SYT1: variants seen among roughly 807,000 people sequenced by gnomAD.
SYT1 encodes the protein synaptotagmin-1.
Under a neutral mutation model 44.8 loss-of-function variants are expected in SYT1, and 8 were observed. The observed-to-expected ratio is 0.18, with a 90% confidence interval of 0.10 to 0.32. The LOEUF (loss-of-function observed/expected upper bound fraction) is 0.32, where lower values mean the gene tolerates loss of function less well. Among genes scored for constraint, SYT1 ranks in the 10% least tolerant of loss-of-function variants. The pLI is 1.00. For missense variants in SYT1, 286 were observed against 509.3 expected (o/e 0.56, Z 4.22); for synonymous variants, 154 against 188.8 (o/e 0.82, Z 1.51).
intron 8 of SYT1, among the ~76,000 whole-genome samples, chr12:79,336,469 A>G (rs75637188): frequency 0.049 from 7,482 of 151,764 alleles, 395 homozygotes; most frequent in African/African-American, 0.13. Context: ...TATTTTTCCT[A>G]CGGCTTTGCC....
intron 4 of SYT1, among the ~76,000 whole-genome samples, chr12:79,281,748 C>G (rs1036007499): frequency 2.6e-5 from 4 of 152,178 alleles, no homozygotes; most frequent in African/African-American, 9.7e-5. Context: ...CTATATACAG[C>G]ATATATTACA....
intron 4 of SYT1, among the ~76,000 whole-genome samples, chr12:79,219,898 A>G (rs184537656): frequency 6.6e-6 from 1 of 152,048 alleles, no homozygotes; most frequent in Admixed American, 6.5e-5. Context: ...TGTAATTGGT[A>G]TTTTGTAGTG....
chr12:79,124,938 G>A (rs56335319), intron 3 of SYT1, among the ~76,000 whole-genome samples: 17,367 of 152,074 alleles, frequency 0.11, 1,068 homozygotes, highest in African/African-American at 0.13. Flanking sequence ...AGGAAACCAG[G>A]AAAGAAAGGA....
intron 9 of SYT1, among the ~76,000 whole-genome samples, chr12:79,404,524 G>T (rs1282207720): frequency 2.0e-5 from 3 of 152,138 alleles, no homozygotes; most frequent in Non-Finnish European, 4.4e-5. Flanking sequence ...TGGATGGTCA[G>T]ATCTGTGAAC....
At chr12:79,121,214 T>G (rs1879585087) in intron 3 of SYT1, among the ~76,000 whole-genome samples, 1 of 151,970 alleles carries the variant, frequency 6.6e-6, no homozygotes, top group Admixed American at 6.6e-5. Context: ...CATTGCCCAC[T>G]TACACACTGC....
chr12:78,978,191 A>G (rs889797184), intron 2 of SYT1, among the ~76,000 whole-genome samples: 2 of 152,190 alleles, frequency 1.3e-5, no homozygotes, highest in Admixed American at 6.5e-5. Context: ...CTTGTATAAC[A>G]TGTTTGCTTT....
chr12:78,963,499 G>A (rs1406528164), intron 1 of SYT1, among the ~76,000 whole-genome samples: 4 of 151,946 alleles, frequency 2.6e-5, no homozygotes, highest in Non-Finnish European at 4.4e-5. Context: ...TTTAAAAATG[G>A]CCTAAATACC....
chr12:79,412,398 C>T (rs966595537), intron 9 of SYT1, among the ~76,000 whole-genome samples: 2 of 152,162 alleles, frequency 1.3e-5, no homozygotes, highest in Non-Finnish European at 2.9e-5. Context: ...AGCCCATTCG[C>T]CCAACTCCTG....
chr12:78,976,549 T>G (rs887174441), intron 1 of SYT1: 1 of 152,214 alleles, frequency 6.6e-6, no homozygotes, highest in Non-Finnish European at 1.5e-5. Context: ...TAAAATTCTA[T>G]TCAGAATATA....
At chr12:79,348,623 G>C (rs1400948073) in intron 8 of SYT1, among the ~76,000 whole-genome samples, 2 of 152,188 alleles carry the variant, frequency 1.3e-5, no homozygotes, top group East Asian at 3.8e-4. Flanking sequence ...TATGTAGTAT[G>C]CATTGAATTT....
At chr12:79,262,694 T>A (rs1269898685) in intron 4 of SYT1, among the ~76,000 whole-genome samples, 2 of 152,198 alleles carry the variant, frequency 1.3e-5, no homozygotes, top group Non-Finnish European at 2.9e-5. Flanking sequence ...CTGAACTAGC[T>A]CCTCAACGCT....
intron 1 of SYT1, among the ~76,000 whole-genome samples, chr12:78,866,199 C>T (rs930714601): frequency 6.6e-6 from 1 of 152,036 alleles, no homozygotes; most frequent in Admixed American, 6.6e-5. Context: ...TTTATTCTAC[C>T]TTTGTACTAT....
At chr12:79,448,827 A>C in intron 10 of SYT1, 91 bp from the exon 11 acceptor site, 1 of 1,143,064 alleles carries the variant, frequency 8.7e-7, no homozygotes, top group Admixed American at 2.0e-5. Context: ...TGATTCTTCT[A>C]TTTCCAATTC....
At chr12:79,344,449 CTTTT>C (rs1284895577) in intron 8 of SYT1, among the ~76,000 whole-genome samples, 1 of 152,032 alleles carries the variant, frequency 6.6e-6, no homozygotes, top group Admixed American at 6.6e-5. Flanking sequence ...TTTACTGTCA[CTTTT>C]TGTTTGTTTT....
intron 9 of SYT1, among the ~76,000 whole-genome samples, chr12:79,407,366 A>G (rs1000642868): frequency 1.1e-4 from 16 of 152,078 alleles, no homozygotes; most frequent in African/African-American, 3.9e-4. Context: ...AAGTATGGTA[A>G]AGGTCTTGAT....
intron 9 of SYT1, among the ~76,000 whole-genome samples, chr12:79,422,675 G>T (rs1437565830): frequency 1.4e-5 from 2 of 147,864 alleles, no homozygotes; most frequent in Non-Finnish European, 3.0e-5. Flanking sequence ...GGTTGCTCGT[G>T]CTCTCTCTCT....
chr12:79,280,610 G>C (rs927181723), intron 4 of SYT1, among the ~76,000 whole-genome samples: 1 of 151,862 alleles, frequency 6.6e-6, no homozygotes, highest in Admixed American at 6.6e-5. Flanking sequence ...AAAGATTTAT[G>C]ACCAAGACCC....
chr12:79,070,148 G>A (rs1876168540), intron 3 of SYT1, among the ~76,000 whole-genome samples: 1 of 152,060 alleles, frequency 6.6e-6, no homozygotes, highest in African/African-American at 2.4e-5. Flanking sequence ...AACCGTAGTG[G>A]ATCTACCAAT....
chr12:79,083,150 T>A (rs2137960887), intron 3 of SYT1, among the ~76,000 whole-genome samples: 1 of 151,824 alleles, frequency 6.6e-6, no homozygotes, highest in Admixed American at 6.6e-5. Flanking sequence ...GAGGAAAAAA[T>A]TATAATGTCA....
Sources: allele counts gnomAD v4.1 joint callset (sites outside exome capture counted in the v4.1 genomes callset), GRCh38; gene constraint gnomAD v4.1.1; transcripts MANE v1.5; gene names NCBI Gene and HGNC (gene_info 2026-07-23, HGNC 2026-07-21).